Variants in FAM222A observed in about 807,000 individuals in gnomAD.
The protein encoded by FAM222A is family with sequence similarity 222 member A, also known as protein FAM222A.
FAM222A carries 7 observed loss-of-function variants against 25.8 expected under a neutral mutation model. That is an observed-to-expected ratio of 0.27 (90% CI 0.15 to 0.51). The LOEUF (loss-of-function observed/expected upper bound fraction) is 0.51, where lower values mean the gene tolerates loss of function less well. Among genes scored for constraint, FAM222A ranks in the 20% least tolerant of loss-of-function variants. FAM222A has a pLI of 0.97. For missense variants in FAM222A, 573 were observed against 640.5 expected (o/e 0.89, Z 1.14); for synonymous variants, 294 against 298.8 (o/e 0.98, Z 0.17).
intron 1 of FAM222A, among the ~76,000 whole-genome samples, chr12:109,722,051 A>T (rs1887755969): frequency 6.6e-6 from 1 of 151,820 alleles, no homozygotes; most frequent in Non-Finnish European, 1.5e-5. Context: ...GCAGGCAGAC[A>T]GGGGAGCCCT....
intron 1 of FAM222A, among the ~76,000 whole-genome samples, chr12:109,726,518 A>C (rs1592779335): frequency 6.6e-6 from 1 of 151,962 alleles, no homozygotes; most frequent in African/African-American, 2.4e-5. Context: ...TCCCGCACCC[A>C]CCCCGGGCAG....
intron 2 of FAM222A, among the ~76,000 whole-genome samples, chr12:109,752,728 G>A (rs1310723568): frequency 2.0e-5 from 3 of 152,212 alleles, no homozygotes; most frequent in African/African-American, 7.2e-5. Context: ...GGTTTAGGGG[G>A]ACGAGGTGGT....
At chr12:109,716,734 C>G (rs1337954732) in intron 1 of FAM222A, among the ~76,000 whole-genome samples, 1 of 152,250 alleles carries the variant, frequency 6.6e-6, no homozygotes, top group African/African-American at 2.4e-5. Flanking sequence ...CTTCCACAGC[C>G]AAGGCAGAGG....
rs139814152 is a variant in FAM222A, at chr12:109,740,940, C to T, written c.-46-3161C>T. Among the ~76,000 whole-genome samples the T allele has an allele frequency of 2.6e-3, 394 of 152,260 alleles. 1 individual carries two copies. The highest frequency in any genetic ancestry group is 9.3e-3 in the African/African-American group (385 of 41,534). ...TTCGAACGGATCAGGGTCACGGTGC[C>T]GTAGGCAGGAGAACCAGCAGGGGCA... On this transcript the variant is annotated intron_variant, in intron 1 of 2. Coordinates refer to ENST00000538780, the MANE Select transcript of FAM222A (RefSeq NM_032829.3).
intron 1 of FAM222A, among the ~76,000 whole-genome samples, chr12:109,726,119 TAAAAAAAAAAAAAA>T (rs11464580): frequency 1.8e-4 from 20 of 110,382 alleles, no homozygotes; most frequent in Non-Finnish European, 2.2e-4. Flanking sequence ...AAAAAATTGC[TAAAAAAAAAAAAAA>T]AAAAAAAAGT....
chr12:109,726,371 G>A (rs1168346993), intron 1 of FAM222A, among the ~76,000 whole-genome samples: 1 of 152,166 alleles, frequency 6.6e-6, no homozygotes, highest in Non-Finnish European at 1.5e-5. Context: ...TTCCCATTTG[G>A]TTGCTGCACA....
At chr12:109,728,318 G>C (rs371423475) in intron 1 of FAM222A, among the ~76,000 whole-genome samples, 3 of 151,812 alleles carry the variant, frequency 2.0e-5, no homozygotes, top group Non-Finnish European at 4.4e-5. Flanking sequence ...AAGGTGACTC[G>C]TCAGGGGTCC....
intron 1 of FAM222A, among the ~76,000 whole-genome samples, chr12:109,730,509 G>T (rs187555982): frequency 2.0e-5 from 3 of 152,246 alleles, no homozygotes; most frequent in Admixed American, 2.0e-4. Context: ...TCCGTGCCAG[G>T]TGCTGCCCTT....
intron 2 of FAM222A, among the ~76,000 whole-genome samples, chr12:109,754,963 G>A (rs905474964): frequency 2.6e-5 from 4 of 152,080 alleles, no homozygotes; most frequent in South Asian, 2.1e-4. Flanking sequence ...GAGCCACTGC[G>A]TCTAGCCTGT....
chr12:109,725,753 G>A (rs1415926352), intron 1 of FAM222A, among the ~76,000 whole-genome samples: 1 of 151,706 alleles, frequency 6.6e-6, no homozygotes, highest in Admixed American at 6.6e-5. Context: ...CTTTGTAAAC[G>A]CTCACAATTA....
In FAM222A at chr12:109,744,196, C is replaced by A. The variant is rs1484974658; in HGVS notation, c.50C>A (p.Ala17Asp). ...CAGAACGCCCCGGGCCAACACCTGG[C>A]CTGCCCGAGCAAGAGCCTGGAGCTG... ...RTQNAPGQHL[A>D]CPSKSLELRK... Residue 17 changes from alanine to aspartate, a missense_variant, in exon 2 of 3, where the codon GCC (alanine) becomes GAC (aspartate). This residue lies in a region of FAM222A where 112 missense variants were observed against 154.6 expected (regional missense o/e 0.72). Transcript: ENST00000538780. 6.2e-7 allele frequency: 1 copy of A among 1,613,292 alleles called. No homozygotes were observed. The highest frequency in any genetic ancestry group is 8.5e-7 in the Non-Finnish European group (1 of 1,180,016).
At chr12:109,727,422 GTCA>G (rs1322252692) in intron 1 of FAM222A, among the ~76,000 whole-genome samples, 4 of 152,142 alleles carry the variant, frequency 2.6e-5, no homozygotes, top group African/African-American at 7.2e-5. Flanking sequence ...CAGGGAGCCT[GTCA>G]TCATCAGCTC....
At chr12:109,732,243 C>G (rs557403697) in intron 1 of FAM222A, among the ~76,000 whole-genome samples, 2 of 152,228 alleles carry the variant, frequency 1.3e-5, no homozygotes, top group African/African-American at 4.8e-5. Flanking sequence ...GGTTCTTTCC[C>G]CCTCATTACA....
intron 1 of FAM222A, among the ~76,000 whole-genome samples, chr12:109,740,650 T>G (rs1450180014): frequency 2.0e-5 from 3 of 152,222 alleles, no homozygotes; most frequent in African/African-American, 7.2e-5. Flanking sequence ...GACGCTTGGC[T>G]TCTCTGGGCC....
chr12:109,769,129 G>C lies in FAM222A; in HGVS notation c.1200G>C (p.Ser400=), dbSNP rs779131434. ...GLPSKSVCNT[S]VLSSSLQSLE... ...CCAGCAAGAGTGTGTGCAACACATC[G>C]GTGCTGAGCAGCAGCCTGCAGTCAC... Residue 400 remains serine, a synonymous_variant, in exon 3 of 3, where the codon TCG becomes TCC. Transcript: ENST00000538780. 3 of 1,611,962 alleles carry C rather than the reference G, an allele frequency of 1.9e-6. No homozygotes were observed. The highest frequency in any genetic ancestry group is 1.7e-5 in the Admixed American group (1 of 59,916).
chr12:109,764,004 A>T (rs545298084), intron 2 of FAM222A, among the ~76,000 whole-genome samples: 50 of 152,146 alleles, frequency 3.3e-4, no homozygotes, highest in African/African-American at 1.1e-3. Context: ...CCAAGGTGGG[A>T]GGGTCACTTG....
At chr12:109,739,136 G>A (rs1164513668) in intron 1 of FAM222A, among the ~76,000 whole-genome samples, 8 of 152,356 alleles carry the variant, frequency 5.3e-5, no homozygotes, top group South Asian at 4.1e-4. Flanking sequence ...GCTCAGAGGC[G>A]CAGCCCATGG....
chr12:109,725,732 G>A (rs192981814), intron 1 of FAM222A, among the ~76,000 whole-genome samples: 1 of 151,732 alleles, frequency 6.6e-6, no homozygotes, highest in East Asian at 1.9e-4. Flanking sequence ...AATGTCAGGC[G>A]CCAAGTTGTG....
Position 109,769,219 on chromosome 12 carries a change from T to C in FAM222A, c.1290T>C (p.Tyr430=). 1 of 1,612,082 alleles carries C rather than the reference T, an allele frequency of 6.2e-7. No individual in the cohort carries two copies. The highest frequency in any genetic ancestry group is 1.3e-5 in the African/African-American group (1 of 75,036). Residue 430 remains tyrosine (Y), a synonymous_variant, in exon 3 of 3, where the codon TAT becomes TAC. Transcript: ENST00000538780. Reference sequence around the variant, plus strand: ...AGGAGCAGATGCTGGGCAAGGGCTATGAGACGGTGGCCGTGCCCCGGCTAC... The same window carrying C: ...AGGAGCAGATGCTGGGCAAGGGCTACGAGACGGTGGCCGTGCCCCGGCTAC... ...CIKEQMLGKG[Y]ETVAVPRLLD...
Sources: allele counts gnomAD v4.1 joint callset (sites outside exome capture counted in the v4.1 genomes callset), GRCh38; gene constraint gnomAD v4.1.1; regional missense constraint gnomAD v4.1.1; transcripts MANE v1.5; gene names NCBI Gene and HGNC (gene_info 2026-07-23, HGNC 2026-07-21).